Variants in PIWIL1 observed in about 807,000 individuals in gnomAD.
PIWIL1 encodes piwi-like protein 1.
PIWIL1 carries 73 observed loss-of-function variants against 114.4 expected under a neutral mutation model. The observed-to-expected ratio is 0.64, with a 90% CI of 0.53 to 0.78. PIWIL1 has a LOEUF of 0.78. PIWIL1 is among the 30% of genes least tolerant of loss of function. The pLI is 0.00. For synonymous variants in PIWIL1, 375 were observed against 369.0 expected (o/e 1.02, Z -0.19); for missense variants, 723 against 1,063.1 (o/e 0.68, Z 4.45).
intron 11 of PIWIL1, 134 bp from the exon 12 acceptor site, chr12:130,355,419 C>T: frequency 1.4e-6 from 1 of 707,664 alleles, no homozygotes; most frequent in East Asian, 2.5e-5. Flanking sequence ...CCTGTGCCAG[C>T]TGGCATTCTC....
the PIWIL1 span, among the ~76,000 whole-genome samples, chr12:130,379,501 G>C: frequency 1.4e-5 from 1 of 73,886 alleles, no homozygotes; most frequent in African/African-American, 6.5e-5. Flanking sequence ...TCCAAGCATT[G>C]ACAGTTCCTT....
the PIWIL1 span, among the ~76,000 whole-genome samples, chr12:130,390,329 G>T: frequency 6.6e-6 from 1 of 152,158 alleles, no homozygotes; most frequent in Admixed American, 6.5e-5. Flanking sequence ...GACTACCTTT[G>T]TCCAGATGAT....
chr12:130,417,845 T>C, the PIWIL1 span, among the ~76,000 whole-genome samples: 2 of 150,886 alleles, frequency 1.3e-5, no homozygotes, highest in Non-Finnish European at 2.9e-5. Context: ...CATATGTGTA[T>C]ATATGTATGG....
chr12:130,375,371 T>C (rs2073859391), downstream of PIWIL1, among the ~76,000 whole-genome samples: 1 of 152,148 alleles, frequency 6.6e-6, no homozygotes, highest in Admixed American at 6.5e-5. Context: ...GCTCCACAGC[T>C]CTCTGATGTT....
the PIWIL1 span, among the ~76,000 whole-genome samples, chr12:130,400,030 G>A: frequency 5.9e-5 from 9 of 152,166 alleles, no homozygotes; most frequent in African/African-American, 9.7e-5. Context: ...GATTTCTCCT[G>A]TTCAGTGAGG....
At chr12:130,418,964 T>TG in the PIWIL1 span, among the ~76,000 whole-genome samples, 3 of 152,096 alleles carry the variant, frequency 2.0e-5, no homozygotes, top group African/African-American at 7.2e-5. Flanking sequence ...CACGTTGTTT[T>TG]GGGGGGAAGA....
chr12:130,352,671 CAAAT>C (rs916943775), intron 9 of PIWIL1, among the ~76,000 whole-genome samples: 8 of 152,154 alleles, frequency 5.3e-5, no homozygotes, highest in Admixed American at 3.9e-4. Flanking sequence ...AACTCTGTCT[CAAAT>C]AAATAAATGA....
At chr12:130,346,329 A>G (rs1354183807) in intron 4 of PIWIL1, 41 bp from the exon 5 acceptor site, 1 of 1,462,318 alleles carries the variant, frequency 6.8e-7, no homozygotes, top group Non-Finnish European at 9.6e-7. Context: ...AGGAAAAATA[A>G]ACTTGATATT....
chr12:130,400,947 A>G, the PIWIL1 span, among the ~76,000 whole-genome samples: 2 of 152,144 alleles, frequency 1.3e-5, no homozygotes, highest in African/African-American at 2.4e-5. Flanking sequence ...ATATGAAGAA[A>G]CGAATACTCG....
intron 9 of PIWIL1, among the ~76,000 whole-genome samples, chr12:130,353,104 GAC>G (rs1162561724): frequency 3.9e-5 from 6 of 152,240 alleles, no homozygotes; most frequent in Non-Finnish European, 7.3e-5. Flanking sequence ...GCTGATGAGA[GAC>G]AGATTAAGGA....
chr12:130,423,490 C>A, the PIWIL1 span, among the ~76,000 whole-genome samples: 1 of 151,960 alleles, frequency 6.6e-6, no homozygotes, highest in Non-Finnish European at 1.5e-5. Flanking sequence ...AAAGAGGACA[C>A]AATATAGAGA....
rs568664803 is a variant in PIWIL1 at position 130,337,979 on chromosome 12, C to T, written c.-180C>T. ...AAGAGCGCCTGTTGCTCGCTGCCCG[C>T]GTGTCCCTGGCTCTCTCGGGAACCC... On this transcript the variant is annotated 5_prime_UTR_variant, in exon 1 of 21. Coordinates refer to ENST00000245255, the MANE Select transcript of PIWIL1 (RefSeq NM_004764.5). 3.8e-4 allele frequency: 62 copies of T among 163,998 alleles called. 1 individual carries two copies. The South Asian group carries it at 9.0e-3, about 24-fold the overall frequency. The allele number at this position is 163,998 out of a possible 1,614,324, so 10.2% of individuals were successfully genotyped here. A position where few individuals can be genotyped will look rare whatever the true frequency, so the allele number is the denominator to read the frequency against.
the PIWIL1 span, among the ~76,000 whole-genome samples, chr12:130,423,155 A>T: frequency 6.6e-6 from 1 of 152,204 alleles, no homozygotes; most frequent in Non-Finnish European, 1.5e-5. Context: ...TCACCTTTAG[A>T]TCAGGGTTAG....
chr12:130,403,377 C>A, the PIWIL1 span, among the ~76,000 whole-genome samples: 1 of 152,118 alleles, frequency 6.6e-6, no homozygotes, highest in Admixed American at 6.5e-5. Flanking sequence ...TTAGGGAAGA[C>A]TATTCAAGAA....
intron 1 of PIWIL1, 86 bp from the exon 2 acceptor site, chr12:130,342,494 T>C (rs2072949227): frequency 6.4e-6 from 5 of 782,682 alleles, no homozygotes. Flanking sequence ...CTTTTGAAAC[T>C]CAAAGAAGTT....
the PIWIL1 span, among the ~76,000 whole-genome samples, chr12:130,406,903 AG>A: frequency 6.6e-6 from 1 of 152,250 alleles, no homozygotes; most frequent in South Asian, 2.1e-4. Flanking sequence ...CACCTCCCAA[AG>A]TGCTGGGATT....
Position 130,371,759 on chromosome 12 carries a change from C to T in PIWIL1, c.*161C>T. 6 of 445,826 alleles carry T rather than the reference C, an allele frequency of 1.3e-5. No individual in the cohort carries two copies. The South Asian group carries it at 1.5e-4, about 11-fold the overall frequency. The allele number at this position is 445,826 out of a possible 1,614,324, so 27.6% of individuals were successfully genotyped here. ...TTCTAGCATTGCTATTCACCGGCTTCCTTATTTTATACGTAAAAATTAAGA... is the reference window on the plus strand; with the variant it reads ...TTCTAGCATTGCTATTCACCGGCTTTCTTATTTTATACGTAAAAATTAAGA... On this transcript the variant is annotated 3_prime_UTR_variant, in exon 21 of 21. Coordinates refer to ENST00000245255, the MANE Select transcript of PIWIL1 (RefSeq NM_004764.5).
chr12:130,399,751 G>A, the PIWIL1 span: 64 of 1,614,114 alleles, frequency 4.0e-5, no homozygotes, highest in South Asian at 1.4e-4. Context: ...AGACTTCTAC[G>A]TCATCAGGCA....
In PIWIL1 at chr12:130,345,860, G is replaced by A. The variant is rs2073055030; in HGVS notation, c.298G>A (p.Val100Ile). 2 of 1,613,602 alleles carry A rather than the reference G, an allele frequency of 1.2e-6. No individual in the cohort carries two copies. The highest frequency in any genetic ancestry group is 3.3e-4 in the Middle Eastern group (2 of 6,058). ...GVNTRQNLDHVKESKTGSSGI... is the reference protein window; with the variant it reads ...GVNTRQNLDHIKESKTGSSGI... ...GAATACAAGGCAGAACCTAGACCAT[G>A]TTAAAGAATCAAAAACAGGTAGGTT... Residue 100 changes from valine (V) to isoleucine (I), a missense_variant, in exon 4 of 21, where the codon GTT (valine) becomes ATT (isoleucine). Around this residue, in one of 8 missense-constraint regions of PIWIL1, gnomAD observed 190 missense variants for 294.4 expected, o/e 0.65. Transcript: ENST00000245255.
Sources: gnomAD v4.1 joint callset for allele counts (sites outside exome capture counted in the v4.1 genomes callset) on GRCh38, gnomAD v4.1.1 for gene constraint, gnomAD v4.1.1 regional missense constraint, MANE v1.5 for transcripts, NCBI Gene and HGNC (gene_info 2026-07-23, HGNC 2026-07-21) for gene names.